Variants in NRXN1 observed in about 807,000 individuals in gnomAD.
NRXN1 encodes neurexin-1.
Under a neutral mutation model 150.9 loss-of-function variants are expected in NRXN1, and 39 were observed. The observed-to-expected ratio is 0.26, with a 90% CI of 0.20 to 0.34. The LOEUF (loss-of-function observed/expected upper bound fraction) is 0.34. NRXN1 is among the 10% of genes least tolerant of loss of function. The pLI, the probability that NRXN1 is intolerant of heterozygous loss-of-function variation, is 1.00. For synonymous variants in NRXN1, 924 were observed against 757.0 expected, an observed-to-expected ratio of 1.22 and a Z score of -3.62; for missense variants, 1,815 against 1,949.9, an observed-to-expected ratio of 0.93 and a Z score of 1.30.
intron 17 of NRXN1, among the ~76,000 whole-genome samples, chr2:50,370,574 T>A (rs2079945795): frequency 6.6e-6 from 1 of 152,050 alleles, no homozygotes; most frequent in Non-Finnish European, 1.5e-5. Flanking sequence ...CCTTGAGGGT[T>A]CATGTCCTTT....
rs570929086 is a variant in NRXN1 at position 50,262,618 on chromosome 2, A to T, written c.3365-25648T>A. 2.6e-5 allele frequency among the ~76,000 whole-genome samples: 4 copies of T among 152,034 alleles called. No homozygotes were observed. In the South Asian group the frequency reaches 8.3e-4, roughly 31 times the overall value. ...CCAAGCTGAAATTCTTATGAGCCTT[A>T]GTAGGTTCTATTGTCATAAATATGA... On this transcript the variant is annotated intron_variant, in intron 17 of 22. Coordinates refer to ENST00000401669, the MANE Select transcript of NRXN1 (RefSeq NM_001330078.2).
At chr2:50,787,621 A>G (rs1031125722) in intron 5 of NRXN1, among the ~76,000 whole-genome samples, 2 of 151,874 alleles carry the variant, frequency 1.3e-5, no homozygotes, top group Non-Finnish European at 2.9e-5. Context: ...AAGAAAACAG[A>G]AAATCCTTTA....
intron 17 of NRXN1, among the ~76,000 whole-genome samples, chr2:50,368,577 C>T (rs576510023): frequency 1.3e-5 from 2 of 151,968 alleles, no homozygotes; most frequent in Admixed American, 6.6e-5. Flanking sequence ...ATGCCATGTG[C>T]TCATTTTAAA....
At chr2:50,079,873 A>G (rs1697681027) in intron 19 of NRXN1, among the ~76,000 whole-genome samples, 1 of 152,162 alleles carries the variant, frequency 6.6e-6, no homozygotes, top group Non-Finnish European at 1.5e-5. Flanking sequence ...ATGAACGGTA[A>G]TATGGTAGTC....
chr2:50,171,980 A>G (rs1168537658), intron 18 of NRXN1, among the ~76,000 whole-genome samples: 1 of 152,100 alleles, frequency 6.6e-6, no homozygotes, highest in Admixed American at 6.6e-5. Flanking sequence ...AATAGTCATG[A>G]CCCTCTTTAC....
chr2:50,742,524 T>C (rs1035226617), intron 5 of NRXN1, among the ~76,000 whole-genome samples: 4 of 150,374 alleles, frequency 2.7e-5, no homozygotes, highest in Non-Finnish European at 5.9e-5. Context: ...AGGAGAATCG[T>C]TTGAGCCCGG....
chr2:50,292,902 T>A (rs1341647366), intron 17 of NRXN1, among the ~76,000 whole-genome samples: 1 of 152,096 alleles, frequency 6.6e-6, no homozygotes, highest in Non-Finnish European at 1.5e-5. Context: ...AATCAGTGAA[T>A]AAAAGGGAGA....
chr2:50,577,198 A>G (rs1427349347), intron 8 of NRXN1, among the ~76,000 whole-genome samples: 3 of 152,134 alleles, frequency 2.0e-5, no homozygotes, highest in African/African-American at 7.2e-5. Context: ...CAACTCTGAA[A>G]CTATTATGGG....
chr2:50,646,388 T>C (rs1559068860), intron 5 of NRXN1, among the ~76,000 whole-genome samples: 1 of 152,004 alleles, frequency 6.6e-6, no homozygotes, highest in Non-Finnish European at 1.5e-5. Context: ...TACTCTGAAA[T>C]TGGTCAATTT....
chr2:50,456,968 C>T (rs547284857), intron 17 of NRXN1, among the ~76,000 whole-genome samples: 25 of 152,110 alleles, frequency 1.6e-4, no homozygotes, highest in Non-Finnish European at 3.1e-4. Flanking sequence ...AGTTAATTTC[C>T]CACTATACAG....
intron 21 of NRXN1, among the ~76,000 whole-genome samples, chr2:49,993,074 G>C (rs1482687901): frequency 6.6e-6 from 1 of 152,152 alleles, no homozygotes; most frequent in East Asian, 1.9e-4. Flanking sequence ...ACTCCCAAAA[G>C]TTGAAAACTT....
chr2:50,048,507 A>AT (rs1692190415), intron 21 of NRXN1, among the ~76,000 whole-genome samples: 2 of 152,110 alleles, frequency 1.3e-5, no homozygotes, highest in African/African-American at 2.4e-5. Flanking sequence ...AGCTCTAAAT[A>AT]TTTTTCAAGG....
Position 49,919,273 on chromosome 2 carries a change from C to G in NRXN1, c.*2671G>C, listed in dbSNP as rs1450177683. ...GATTCAAGTCATTTTCTCTTTCTAA[C>G]TCTGTTCCTCTCTTTTCTTTTTCCA... On this transcript the variant is annotated 3_prime_UTR_variant, in exon 23 of 23. Transcript: ENST00000401669. 6.6e-6 allele frequency: 1 copy of G among 152,076 alleles called. No individual in the cohort carries two copies. Among genetic ancestry groups the G allele is most frequent in the Non-Finnish European group, 1.5e-5 (1 of 67,956 alleles). The allele number at this position is 152,076 out of a possible 1,614,324, so 9.4% of individuals were successfully genotyped here. A position where few individuals can be genotyped will look rare whatever the true frequency, so the allele number is the denominator to read the frequency against.
intron 15 of NRXN1, among the ~76,000 whole-genome samples, chr2:50,493,813 G>C (rs1164393118): frequency 6.6e-6 from 1 of 151,978 alleles, no homozygotes; most frequent in Non-Finnish European, 1.5e-5. Flanking sequence ...CCTTCACATG[G>C]GAAATTCACA....
intron 18 of NRXN1, among the ~76,000 whole-genome samples, chr2:50,224,271 A>G (rs755621102): frequency 4.6e-5 from 7 of 151,992 alleles, no homozygotes; most frequent in Non-Finnish European, 8.8e-5. Flanking sequence ...TGGTTCAAAG[A>G]CAGGCAGTTA....
At chr2:50,148,370 T>G (rs1329618856) in intron 18 of NRXN1, among the ~76,000 whole-genome samples, 1 of 151,292 alleles carries the variant, frequency 6.6e-6, no homozygotes, top group East Asian at 2.0e-4. Context: ...CTATAAGGAG[T>G]ATGCTTTTTA....
intron 2 of NRXN1, among the ~76,000 whole-genome samples, chr2:50,942,648 T>A (rs1558462862): frequency 6.6e-6 from 1 of 152,196 alleles, no homozygotes; most frequent in Admixed American, 6.5e-5. Flanking sequence ...TGTAGCCCCT[T>A]TGTTTGGGCC....
chr2:50,642,806 T>C (rs1206262403), intron 5 of NRXN1, among the ~76,000 whole-genome samples: 1 of 151,984 alleles, frequency 6.6e-6, no homozygotes, highest in Non-Finnish European at 1.5e-5. Context: ...GGGATGGGAA[T>C]GGTCTATTAC....
intron 5 of NRXN1, among the ~76,000 whole-genome samples, chr2:50,762,122 TACAC>T (rs35059030): frequency 0.017 from 2,521 of 145,204 alleles, 57 homozygotes; most frequent in African/African-American, 0.047. Flanking sequence ...TATATGTGTA[TACAC>T]ACACACACAC....
Sources: allele counts gnomAD v4.1 joint callset (sites outside exome capture counted in the v4.1 genomes callset), GRCh38; gene constraint gnomAD v4.1.1; transcripts MANE v1.5; gene names NCBI Gene and HGNC (gene_info 2026-07-23, HGNC 2026-07-21).